WDR76: variants seen among roughly 807,000 people sequenced by gnomAD.
The protein encoded by WDR76 is WD repeat-containing protein 76.
Under a neutral mutation model 70.2 loss-of-function variants are expected in WDR76, and 52 were observed. The ratio of observed to expected loss-of-function variants is 0.74; its 90% confidence interval spans 0.59 to 0.93. The LOEUF is 0.93. Ranked by LOEUF, WDR76 falls within the 40% of genes least tolerant of loss-of-function variation. The pLI is 0.00. For missense variants in WDR76, 756 were observed against 760.2 expected (o/e 0.99, Z 0.07); for synonymous variants, 292 against 271.1 (o/e 1.08, Z -0.76).
chr15:43,850,740 C>G (rs1476551831), intron 8 of WDR76, among the ~76,000 whole-genome samples: 1 of 152,146 alleles, frequency 6.6e-6, no homozygotes, highest in African/African-American at 2.4e-5. Context: ...TGGTAAGGTA[C>G]TGATACTGTT....
chr15:43,843,697 C>G (rs2087753232), intron 7 of WDR76, among the ~76,000 whole-genome samples: 1 of 152,038 alleles, frequency 6.6e-6, no homozygotes, highest in Admixed American at 6.6e-5. Context: ...CTGCAGCCTA[C>G]CAGCTTTTGG....
At chr15:43,837,758 A>G (rs1040435912) in intron 4 of WDR76, among the ~76,000 whole-genome samples, 1 of 152,136 alleles carries the variant, frequency 6.6e-6, no homozygotes, top group Non-Finnish European at 1.5e-5. Context: ...CCATCCATGT[A>G]CCTGCCATCC....
Position 43,866,718 on chromosome 15 carries a change from C to A in WDR76, c.*326C>A. 1 of 221,146 alleles carries A rather than the reference C, an allele frequency of 4.5e-6. No homozygotes were observed. The highest frequency in any genetic ancestry group is 1.1e-4 in the East Asian group (1 of 9,180). The allele number at this position is 221,146 out of a possible 1,614,324, so 13.7% of individuals were successfully genotyped here. On this transcript the variant is annotated 3_prime_UTR_variant, in exon 13 of 13. Coordinates refer to ENST00000263795, the MANE Select transcript of WDR76 (RefSeq NM_024908.4). ...CTTGGCTCACCGCAACCTCCGCCTC[C>A]CAGGTTCAAGCGATTCTCCTGCCTC...
chr15:43,851,131 T>C lies in WDR76; in HGVS notation c.1077T>C (p.His359=), dbSNP rs200125770. The C allele has an allele frequency of 8.0e-4, 1,299 of 1,614,188 alleles. 19 individuals carry two copies. The South Asian group carries it at 0.013, about 17-fold the overall frequency. Residue 359 remains histidine (H), a synonymous_variant, in exon 9 of 13, where the codon CAT becomes CAC. Transcript: ENST00000263795. ...KEDGVYVFHP[H]SQPVSCLYFS... is the part of the protein sequence containing the mutation. Reference sequence around the variant, plus strand: ...ATGGAGTTTATGTTTTTCATCCCCATAGTCAGCCAGTTAGCTGTCTTTACT... The same window carrying C: ...ATGGAGTTTATGTTTTTCATCCCCACAGTCAGCCAGTTAGCTGTCTTTACT...
At chr15:43,849,736 C>T (rs1214448053) in intron 8 of WDR76, among the ~76,000 whole-genome samples, 2 of 152,108 alleles carry the variant, frequency 1.3e-5, no homozygotes, top group Non-Finnish European at 2.9e-5. Flanking sequence ...CGGGGTTTCA[C>T]CATCTTGGCC....
At chr15:43,857,820 CAAAAAAAAAAAAA>C (rs972013972) in intron 10 of WDR76, among the ~76,000 whole-genome samples, 6 of 57,936 alleles carry the variant, frequency 1.0e-4, no homozygotes, top group Non-Finnish European at 1.3e-4. Context: ...CTCTTGTCTC[CAAAAAAAAAAAAA>C]AAAAAAAAAA....
In WDR76 at chr15:43,827,045, G is replaced by T; in HGVS notation, c.13G>T (p.Gly5Cys). The change falls in exon 1 of 13, where the codon GGC becomes TGC. Residue 5 changes from glycine (G) to cysteine (C), a missense_variant. Transcript: ENST00000263795. MSRSGAAAEKADSRQ... is the reference protein window; with the variant it reads MSRSCAAAEKADSRQ... ...AAGAAGCCGAAAGATGTCCAGGTCG[G>T]GCGCGGCGGCTGAGAAGGCGGACTC... The T allele has an allele frequency of 6.2e-7, 1 of 1,614,144 alleles. No homozygotes were observed. The highest frequency in any genetic ancestry group is 8.5e-7 in the Non-Finnish European group (1 of 1,180,042).
At chr15:43,828,898 T>A (rs1158349153) in intron 2 of WDR76, among the ~76,000 whole-genome samples, 1 of 78,510 alleles carries the variant, frequency 1.3e-5, no homozygotes, top group Non-Finnish European at 2.2e-5. Context: ...TGGTGTGTAA[T>A]TTTTTTCTTT....
chr15:43,852,843 ATTCATCTG>A (rs1332126539), intron 9 of WDR76, among the ~76,000 whole-genome samples: 1 of 152,112 alleles, frequency 6.6e-6, no homozygotes, highest in Non-Finnish European at 1.5e-5. Context: ...TCCACATTTT[ATTCATCTG>A]TTCATCAGTT....
chr15:43,862,026 C>T (rs149616035), intron 12 of WDR76, among the ~76,000 whole-genome samples: 67 of 151,464 alleles, frequency 4.4e-4, no homozygotes, highest in Admixed American at 3.1e-3. Flanking sequence ...TTAGTAGCGA[C>T]GGGGTTTCAT....
At chr15:43,838,334 C>T (rs1178433934) in intron 4 of WDR76, among the ~76,000 whole-genome samples, 1 of 152,084 alleles carries the variant, frequency 6.6e-6, no homozygotes, top group South Asian at 2.1e-4. Flanking sequence ...TACAGGTGCT[C>T]ATGACCATGC....
rs1032226694 is a variant in WDR76, at chr15:43,867,601, T to C, written c.*1209T>C. On this transcript the variant is annotated 3_prime_UTR_variant, in exon 13 of 13. Coordinates refer to ENST00000263795, the MANE Select transcript of WDR76 (RefSeq NM_024908.4). ...TTTATTACTATAGTACCATGGGTAATGGATAAAGAAGTTAAAGCTACTGCT... is the reference window on the plus strand; with the variant it reads ...TTTATTACTATAGTACCATGGGTAACGGATAAAGAAGTTAAAGCTACTGCT... The C allele has an allele frequency of 4.0e-5, 6 of 151,398 alleles. No homozygotes were observed. The South Asian group carries it at 6.2e-4, about 16-fold the overall frequency. The allele number at this position is 151,398 out of a possible 1,614,324, so 9.4% of individuals were successfully genotyped here. A position where few individuals can be genotyped will look rare whatever the true frequency, so the allele number is the denominator to read the frequency against.
Position 43,857,139 on chromosome 15 carries a change from A to C in WDR76, c.1385A>C (p.Gln462Pro). The C allele has an allele frequency of 3.1e-6, 5 of 1,613,644 alleles. No homozygotes were observed. Among genetic ancestry groups the C allele is most frequent in the Non-Finnish European group, 4.2e-6 (5 of 1,179,822 alleles). ...GTTCATGTCCACCCAGTGCATAGAC[A>C]GTATTTTATCACTGCCGGATTGAGG... ...RTVHVHPVHR[Q>P]YFITAGLRDT... Residue 462 changes from glutamine (Q) to proline (P), a missense_variant, in exon 10 of 13, where the codon CAG becomes CCG. Physicochemically the swap from Gln to Pro is moderately conservative, Grantham distance 76. Coordinates refer to ENST00000263795, the MANE Select transcript of WDR76 (RefSeq NM_024908.4).
chr15:43,839,511 TG>T, intron 4 of WDR76, 93 bp from the exon 5 acceptor site: 1 of 1,251,634 alleles, frequency 8.0e-7, no homozygotes, highest in Non-Finnish European at 1.1e-6. Context: ...TAAATATATC[TG>T]TGGTATATAT....
At chr15:43,837,048 A>C (rs1387041759) in intron 4 of WDR76, among the ~76,000 whole-genome samples, 5 of 151,454 alleles carry the variant, frequency 3.3e-5, no homozygotes, top group Admixed American at 6.6e-5. Context: ...CTCACAAAAA[A>C]AAAAAAAACA....
rs142519368 is a variant in WDR76 at position 43,851,327 on chromosome 15, A to G, written c.1191+82A>G. ...TGCCACATGAATAATTATTATACCA[A>G]TTGGGAGAAGTGGTATAGCAGAAGG... is the stretch of plus-strand genomic sequence containing the variant. On this transcript the variant is annotated intron_variant, in intron 9 of 12. Coordinates refer to ENST00000263795, the MANE Select transcript of WDR76 (RefSeq NM_024908.4). The G allele has an allele frequency of 9.8e-5, 151 of 1,538,648 alleles. 1 individual carries two copies. The East Asian group carries it at 3.1e-3, about 31-fold the overall frequency.
chr15:43,850,668 A>G (rs1490775005), intron 8 of WDR76, among the ~76,000 whole-genome samples: 3 of 152,206 alleles, frequency 2.0e-5, no homozygotes, highest in Non-Finnish European at 2.9e-5. Context: ...ATACCTTACG[A>G]AAATTACACT....
chr15:43,839,816 T>TTA, intron 5 of WDR76, 88 bp downstream of exon 5: 1 of 1,362,860 alleles, frequency 7.3e-7, no homozygotes, highest in Non-Finnish European at 9.8e-7. Flanking sequence ...TTCATTAAAT[T>TTA]ATGTTTAATT....
chr15:43,832,943 C>G (rs994303741), intron 2 of WDR76, among the ~76,000 whole-genome samples: 2 of 151,172 alleles, frequency 1.3e-5, no homozygotes, highest in Non-Finnish European at 3.0e-5. Context: ...TTAGTAGAGA[C>G]GGGGTTTCGA....
Sources: gnomAD v4.1 joint callset for allele counts (sites outside exome capture counted in the v4.1 genomes callset) on GRCh38, gnomAD v4.1.1 for gene constraint, MANE v1.5 for transcripts, NCBI Gene and HGNC (gene_info 2026-07-23, HGNC 2026-07-21) for gene names.